ENTHD1: variants seen among roughly 807,000 people sequenced by gnomAD.
ENTHD1 encodes the protein ENTH domain-containing protein 1.
In ENTHD1, 23 loss-of-function variants were observed where a neutral mutation model predicts 39.1. The ratio of observed to expected loss-of-function variants is 0.59; its 90% CI spans 0.42 to 0.83. ENTHD1 has a LOEUF of 0.83. Ranked by LOEUF, ENTHD1 falls within the 40% of genes least tolerant of loss-of-function variation. ENTHD1 has a pLI of 0.00. For missense variants in ENTHD1, 624 were observed against 705.4 expected (o/e 0.88, Z 1.31); for synonymous variants, 230 against 258.2 (o/e 0.89, Z 1.05).
intron 3 of ENTHD1, among the ~76,000 whole-genome samples, chr22:39,854,025 T>A (rs1418363075): frequency 2.0e-5 from 3 of 152,134 alleles, no homozygotes; most frequent in African/African-American, 7.2e-5. Flanking sequence ...GTGGGAACCA[T>A]CCCTGGACAG....
At chr22:39,795,171 T>A (rs2065537822) in intron 5 of ENTHD1, among the ~76,000 whole-genome samples, 1 of 152,206 alleles carries the variant, frequency 6.6e-6, no homozygotes, top group Non-Finnish European at 1.5e-5. Context: ...TGCTAGTATT[T>A]TGTTGAGGAT....
At chr22:39,845,048 C>A (rs1167917059) in intron 3 of ENTHD1, among the ~76,000 whole-genome samples, 1 of 150,354 alleles carries the variant, frequency 6.7e-6, no homozygotes, top group East Asian at 1.9e-4. Flanking sequence ...ATGGCCTCAG[C>A]TGAGATCTGC....
In ENTHD1 at chr22:39,853,708, G is replaced by C. The variant is rs1375465612; in HGVS notation, c.592+8057C>G. On this transcript the variant is annotated intron_variant, in intron 3 of 6. Coordinates refer to ENST00000325157, the MANE Select transcript of ENTHD1 (RefSeq NM_152512.4). ...CCTGCCTTAGCCTCCTGAGTAGCTA[G>C]GACTATAGGCAACTGCCATCATGCC... 2.0e-5 allele frequency among the ~76,000 whole-genome samples: 3 copies of C among 152,050 alleles called. No individual in the cohort carries two copies. In the East Asian group the frequency reaches 5.8e-4, roughly 29 times the overall value.
At chr22:39,811,309 A>G (rs2065684081) in intron 5 of ENTHD1, among the ~76,000 whole-genome samples, 1 of 152,232 alleles carries the variant, frequency 6.6e-6, no homozygotes. Context: ...AGCAAACAAA[A>G]GGCCCTGCAG....
At chr22:39,786,815 T>G (rs1344785216) in intron 5 of ENTHD1, among the ~76,000 whole-genome samples, 1 of 152,252 alleles carries the variant, frequency 6.6e-6, no homozygotes, top group Non-Finnish European at 1.5e-5. Flanking sequence ...GCCTGGCTTA[T>G]TTCACTTAGC....
intron 4 of ENTHD1, among the ~76,000 whole-genome samples, chr22:39,830,324 C>G (rs1231058964): frequency 6.6e-6 from 1 of 152,166 alleles, no homozygotes; most frequent in Non-Finnish European, 1.5e-5. Flanking sequence ...ATCCGTCCAC[C>G]TCGGCCTCCC....
At chr22:39,761,979 G>C (rs1419818946) in intron 6 of ENTHD1, among the ~76,000 whole-genome samples, 2 of 152,134 alleles carry the variant, frequency 1.3e-5, no homozygotes, top group Non-Finnish European at 2.9e-5. Context: ...CAAATGCCTA[G>C]TGATTTTTAA....
At chr22:39,883,799 G>A (rs1425383019) in intron 2 of ENTHD1, among the ~76,000 whole-genome samples, 1 of 148,322 alleles carries the variant, frequency 6.7e-6, no homozygotes, top group Non-Finnish European at 1.5e-5. Context: ...AGCTTGCAGT[G>A]GCTGAGATCA....
chr22:39,796,403 G>A (rs982003124), intron 5 of ENTHD1, among the ~76,000 whole-genome samples: 1 of 152,090 alleles, frequency 6.6e-6, no homozygotes, highest in African/African-American at 2.4e-5. Context: ...CTCCCGTGTA[G>A]TTGGGACCAC....
chr22:39,845,656 C>T (rs914857719), intron 3 of ENTHD1, among the ~76,000 whole-genome samples: 2 of 152,118 alleles, frequency 1.3e-5, no homozygotes, highest in Admixed American at 6.5e-5. Context: ...TCATAAAATT[C>T]GTAATTGTTT....
chr22:39,812,568 T>C (rs2065697715), intron 5 of ENTHD1, among the ~76,000 whole-genome samples: 2 of 152,184 alleles, frequency 1.3e-5, no homozygotes, highest in South Asian at 4.1e-4. Context: ...TAATCTTCTT[T>C]CCTAGTCATT....
intron 3 of ENTHD1, among the ~76,000 whole-genome samples, chr22:39,860,292 C>T (rs1009636276): frequency 3.9e-5 from 6 of 152,106 alleles, no homozygotes; most frequent in Admixed American, 6.5e-5. Context: ...AAGGTAACAT[C>T]GAAGAAGCAA....
intron 4 of ENTHD1, among the ~76,000 whole-genome samples, chr22:39,825,484 T>C (rs1209531047): frequency 1.3e-5 from 2 of 152,206 alleles, no homozygotes; most frequent in African/African-American, 4.8e-5. Flanking sequence ...TCTTCCCTCC[T>C]GTTCCATTTT....
chr22:39,872,083 G>A (rs536640377), intron 2 of ENTHD1, among the ~76,000 whole-genome samples: 9 of 152,192 alleles, frequency 5.9e-5, no homozygotes, highest in African/African-American at 1.9e-4. Context: ...TCTGACTCTC[G>A]ATGTCTGACA....
chr22:39,797,874 T>C (rs2065563740), intron 5 of ENTHD1, among the ~76,000 whole-genome samples: 1 of 152,162 alleles, frequency 6.6e-6, no homozygotes, highest in Non-Finnish European at 1.5e-5. Flanking sequence ...TTCTCTGTTT[T>C]TGATGTTTGA....
chr22:39,801,985 T>C (rs1204436136), intron 5 of ENTHD1, among the ~76,000 whole-genome samples: 1 of 152,124 alleles, frequency 6.6e-6, no homozygotes, highest in Non-Finnish European at 1.5e-5. Context: ...TTTTAGTGCA[T>C]TGATGTTTAA....
chr22:39,834,415 C>A (rs1222228441), intron 4 of ENTHD1, among the ~76,000 whole-genome samples: 1 of 151,978 alleles, frequency 6.6e-6, no homozygotes, highest in Non-Finnish European at 1.5e-5. Flanking sequence ...TTGGAAAATG[C>A]AAATTAAAAT....
intron 2 of ENTHD1, among the ~76,000 whole-genome samples, chr22:39,870,914 T>C (rs2066237032): frequency 6.6e-6 from 1 of 152,140 alleles, no homozygotes; most frequent in Admixed American, 6.5e-5. Context: ...GGCTCATATC[T>C]GTAATTCTAA....
intron 6 of ENTHD1, among the ~76,000 whole-genome samples, chr22:39,746,754 G>C (rs1449032551): frequency 6.6e-6 from 1 of 152,172 alleles, no homozygotes; most frequent in Non-Finnish European, 1.5e-5. Flanking sequence ...AGCAGGGGGA[G>C]GGGGCTGCAG....
Sources: allele counts gnomAD v4.1 joint callset (sites outside exome capture counted in the v4.1 genomes callset), GRCh38; gene constraint gnomAD v4.1.1; transcripts MANE v1.5; gene names NCBI Gene and HGNC (gene_info 2026-07-23, HGNC 2026-07-21).